CLUAP1: variants seen among roughly 807,000 people sequenced by gnomAD.
CLUAP1 encodes the protein intraflagellar transport 38, also known as clusterin-associated protein 1.
Under a neutral mutation model 55.0 loss-of-function variants are expected in CLUAP1, and 50 were observed. That is an observed-to-expected ratio of 0.91 (90% CI 0.72 to 1.15). The LOEUF is 1.15. Ranked by LOEUF, CLUAP1 falls within the 50% of genes most tolerant of loss-of-function variation. CLUAP1 has a pLI of 0.00. For synonymous variants in CLUAP1, 195 were observed against 175.4 expected, an observed-to-expected ratio of 1.11 and a Z score of -0.88; for missense variants, 530 against 507.6, an observed-to-expected ratio of 1.04 and a Z score of -0.42.
At position 3,512,379 on chromosome 16, in the gene CLUAP1, C is replaced by A; in HGVS notation, c.400-4C>A. On this transcript the variant is annotated splice_polypyrimidine_tract_variant and splice_region_variant and intron_variant, in intron 4 of 11. Coordinates refer to ENST00000576634, the MANE Select transcript of CLUAP1 (RefSeq NM_015041.3). ...GGTTTCTGTTTTTGTTATTTTCCTT[C>A]CAGATTGCAGATTTGAAGGCAGCCA... 1 of 1,611,882 alleles carries A rather than the reference C, an allele frequency of 6.2e-7. No homozygotes were observed. The highest frequency in any genetic ancestry group is 8.5e-7 in the Non-Finnish European group (1 of 1,178,078).
At chr16:3,530,833 A>C (rs2038101413) in intron 10 of CLUAP1, among the ~76,000 whole-genome samples, 158 bp downstream of exon 10, 1 of 152,130 alleles carries the variant, frequency 6.6e-6, no homozygotes, top group African/African-American at 2.4e-5. Flanking sequence ...CCTGTTGTTT[A>C]TGGCTCTTGA....
chr16:3,505,744 A>ATTTCT (rs910915823), intron 2 of CLUAP1, among the ~76,000 whole-genome samples: 5 of 152,088 alleles, frequency 3.3e-5, no homozygotes, highest in African/African-American at 7.2e-5. Context: ...AATAATGGAG[A>ATTTCT]TTTCTTTTTC....
At chr16:3,533,068 TCA>T in intron 11 of CLUAP1, 5 of 1,533,342 alleles carry the variant, frequency 3.3e-6, no homozygotes, top group Non-Finnish European at 4.4e-6. Context: ...TTTTGCCTTC[TCA>T]CTGTTCTTTC....
upstream of CLUAP1, chr16:3,500,994 A>C (rs1205242479): frequency 6.7e-7 from 1 of 1,482,908 alleles, no homozygotes; most frequent in Non-Finnish European, 9.2e-7. Context: ...TGCCATAGAG[A>C]TCGTCGAGCG....
chr16:3,511,488 C>T (rs2037623952), intron 4 of CLUAP1, among the ~76,000 whole-genome samples: 1 of 152,172 alleles, frequency 6.6e-6, no homozygotes, highest in East Asian at 1.9e-4. Flanking sequence ...ATTTGCGCCT[C>T]TCCAAGCCTG....
intron 10 of CLUAP1, among the ~76,000 whole-genome samples, chr16:3,531,835 C>T (rs1567442065): frequency 6.6e-6 from 1 of 151,620 alleles, no homozygotes; most frequent in Non-Finnish European, 1.5e-5. Context: ...ATAGATCTGC[C>T]CCCTAATTTT....
At chr16:3,519,325 G>A (rs919343074) in intron 6 of CLUAP1, among the ~76,000 whole-genome samples, 5 of 152,186 alleles carry the variant, frequency 3.3e-5, no homozygotes, top group African/African-American at 4.8e-5. Flanking sequence ...AACTGCTTTC[G>A]TACTGTCTTC....
At chr16:3,532,970 T>C in intron 11 of CLUAP1, 129 bp downstream of exon 11, 1 of 1,314,396 alleles carries the variant, frequency 7.6e-7, no homozygotes, top group Middle Eastern at 1.8e-4. Context: ...CCTCGATGCG[T>C]GGCAGGGTTT....
At position 3,520,010 on chromosome 16, in the gene CLUAP1, G is replaced by T; in HGVS notation, c.687G>T (p.Lys229Asn). ...KRKLELERNRKRLETLQSVRP... is the reference protein window; with the variant it reads ...KRKLELERNRNRLETLQSVRP... ...AATTAGAACTGGAAAGAAATCGGAA[G>T]CGACTAGAGACTCTGCAGAGTGTCA... Residue 229 changes from lysine to asparagine, a missense_variant, in exon 7 of 12, where the codon AAG becomes AAT. Lys to Asn is a moderately conservative substitution (Grantham distance 94). Coordinates refer to ENST00000576634, the MANE Select transcript of CLUAP1 (RefSeq NM_015041.3). 6.2e-7 allele frequency: 1 copy of T among 1,613,290 alleles called. No individual in the cohort carries two copies. Among genetic ancestry groups the T allele is most frequent in the Non-Finnish European group, 8.5e-7 (1 of 1,179,790 alleles).
intron 4 of CLUAP1, 68 bp from the exon 5 acceptor site, chr16:3,512,315 G>A: frequency 8.1e-7 from 1 of 1,240,554 alleles, no homozygotes; most frequent in Admixed American, 1.7e-5. Flanking sequence ...GGGTAACATA[G>A]CCAAGACCCT....
At chr16:3,525,431 C>G (rs1227285931) in intron 8 of CLUAP1, among the ~76,000 whole-genome samples, 1 of 152,098 alleles carries the variant, frequency 6.6e-6, no homozygotes, top group Non-Finnish European at 1.5e-5. Context: ...CGCTCTCTGT[C>G]GTTAGAATAC....
chr16:3,511,552 G>A (rs749418288), intron 4 of CLUAP1, among the ~76,000 whole-genome samples: 13 of 152,176 alleles, frequency 8.5e-5, no homozygotes, highest in African/African-American at 1.4e-4. Context: ...AACACAGGAC[G>A]TCAGGCTGCT....
chr16:3,514,129 T>C (rs1480898858), intron 5 of CLUAP1, among the ~76,000 whole-genome samples: 2 of 152,228 alleles, frequency 1.3e-5, no homozygotes, highest in Admixed American at 6.5e-5. Flanking sequence ...GGTGTACATA[T>C]GTCTGTACAT....
At chr16:3,500,244 G>A (rs1362476370), upstream of CLUAP1, among the ~76,000 whole-genome samples, 1 of 152,234 alleles carries the variant, frequency 6.6e-6, no homozygotes, top group Non-Finnish European at 1.5e-5. Flanking sequence ...GCGTGCGCGA[G>A]ACCGAGGCCT....
At chr16:3,526,256 G>A (rs1002809318) in intron 8 of CLUAP1, among the ~76,000 whole-genome samples, 156 bp from the exon 9 acceptor site, 2 of 152,232 alleles carry the variant, frequency 1.3e-5, no homozygotes, top group African/African-American at 2.4e-5. Context: ...GGACCCTGGA[G>A]TTGCTCAGGC....
intron 11 of CLUAP1, 79 bp from the exon 12 acceptor site, chr16:3,536,043 A>G: frequency 6.5e-7 from 1 of 1,535,100 alleles, no homozygotes; most frequent in Non-Finnish European, 8.9e-7. Context: ...TGCTATAGAA[A>G]GGGAGGCAGA....
upstream of CLUAP1, chr16:3,496,848 G>T (rs1056544777): frequency 5.2e-5 from 14 of 270,300 alleles, no homozygotes; most frequent in Admixed American, 1.3e-4. Context: ...TGTCACAGAC[G>T]ACCTGATTTT....
intron 8 of CLUAP1, among the ~76,000 whole-genome samples, chr16:3,525,468 G>C (rs2037924094): frequency 6.6e-6 from 1 of 152,020 alleles, no homozygotes; most frequent in Non-Finnish European, 1.5e-5. Flanking sequence ...CCCCATGCCG[G>C]AAACACAGTG....
intron 11 of CLUAP1, chr16:3,533,135 A>G: frequency 6.5e-7 from 1 of 1,536,072 alleles, no homozygotes; most frequent in Non-Finnish European, 8.7e-7. Context: ...TAAATGCAAG[A>G]CTTCCAGCTC....
Sources: allele counts gnomAD v4.1 joint callset (sites outside exome capture counted in the v4.1 genomes callset), GRCh38; gene constraint gnomAD v4.1.1; transcripts MANE v1.5; gene names NCBI Gene and HGNC (gene_info 2026-07-23, HGNC 2026-07-21).